The following EHBP1 variants were observed in gnomAD, a reference collection of about 807,000 sequenced individuals.
EHBP1 encodes EH domain binding protein 1, also known as EH domain-binding protein 1.
A neutral mutation model predicts 144.0 loss-of-function variants in EHBP1; 55 were observed. The observed-to-expected ratio is 0.38, with a 90% confidence interval of 0.31 to 0.48. EHBP1 has a LOEUF of 0.48. Among genes scored for constraint, EHBP1 ranks in the 20% least tolerant of loss-of-function variants. The pLI is 0.98. For synonymous variants in EHBP1, 469 were observed against 472.7 expected (o/e 0.99, Z 0.10); for missense variants, 1,200 against 1,364.2 (o/e 0.88, Z 1.90).
chr2:62,881,337 C>A (rs1182091223), intron 10 of EHBP1, among the ~76,000 whole-genome samples: 1 of 150,928 alleles, frequency 6.6e-6, no homozygotes, highest in Non-Finnish European at 1.5e-5. Context: ...ACACCAGTCC[C>A]CCATGACACA....
rs532575809 is a variant in EHBP1 at position 62,943,693 on chromosome 2, G to T, written c.1365-109G>T. 5 of 563,420 alleles carry T rather than the reference G, an allele frequency of 8.9e-6. No individual in the cohort carries two copies. In the East Asian group the frequency reaches 1.6e-4, roughly 18 times the overall value. The allele number at this position is 563,420 out of a possible 1,614,324, so 34.9% of individuals were successfully genotyped here. On this transcript the variant is annotated intron_variant, in intron 11 of 22. Transcript: ENST00000431489. ...TTGATTGAATTGCTGTGAAATTGCT[G>T]GTTACTCTTTAGTATTATTGAATGT...
At chr2:63,043,176 A>G (rs1574603600) in intron 21 of EHBP1, among the ~76,000 whole-genome samples, 2 of 152,196 alleles carry the variant, frequency 1.3e-5, no homozygotes, top group Admixed American at 6.5e-5. Context: ...TACCTGCTGA[A>G]TAAGACTGAT....
chr2:63,040,433 C>T (rs1574589276), intron 21 of EHBP1, among the ~76,000 whole-genome samples: 1 of 152,060 alleles, frequency 6.6e-6, no homozygotes, highest in Non-Finnish European at 1.5e-5. Context: ...AATTCAATTT[C>T]CTCAGCAGTC....
At chr2:62,810,798 G>T (rs1336858086) in intron 5 of EHBP1, among the ~76,000 whole-genome samples, 1 of 152,130 alleles carries the variant, frequency 6.6e-6, no homozygotes, top group Non-Finnish European at 1.5e-5. Context: ...TGCTAGTTTT[G>T]TTTCTTGTTT....
intron 10 of EHBP1, among the ~76,000 whole-genome samples, chr2:62,930,398 G>C (rs2055889600): frequency 6.6e-6 from 1 of 152,160 alleles, no homozygotes; most frequent in Non-Finnish European, 1.5e-5. Flanking sequence ...TAAATGGAAA[G>C]ATATCCCGTG....
chr2:62,922,823 A>G (rs917212987), intron 10 of EHBP1, among the ~76,000 whole-genome samples: 2 of 152,176 alleles, frequency 1.3e-5, no homozygotes, highest in African/African-American at 4.8e-5. Flanking sequence ...GATTTAATCA[A>G]CCTGGAGTCA....
intron 2 of EHBP1, among the ~76,000 whole-genome samples, chr2:62,738,449 T>C (rs1463401969): frequency 6.6e-6 from 1 of 152,186 alleles, no homozygotes; most frequent in Non-Finnish European, 1.5e-5. Context: ...ATCATTATTA[T>C]TCTTAAACTT....
intron 10 of EHBP1, among the ~76,000 whole-genome samples, chr2:62,896,228 T>C (rs946160529): frequency 2.6e-5 from 4 of 152,094 alleles, no homozygotes; most frequent in Admixed American, 2.6e-4. Flanking sequence ...CCAGGCAACA[T>C]GTGTGAAGTC....
chr2:62,681,468 G>T (rs1337087331), intron 1 of EHBP1, among the ~76,000 whole-genome samples: 1 of 149,996 alleles, frequency 6.7e-6, no homozygotes, highest in East Asian at 1.9e-4. Context: ...ACTAAGCAGT[G>T]GTCTAAGTTA....
chr2:63,020,270 G>A (rs2060672744), intron 19 of EHBP1, among the ~76,000 whole-genome samples: 1 of 145,590 alleles, frequency 6.9e-6, no homozygotes, highest in Non-Finnish European at 1.5e-5. Flanking sequence ...GTTGCAGTGA[G>A]CCGAAATCAT....
At chr2:62,841,695 T>A (rs577581723) in intron 7 of EHBP1, among the ~76,000 whole-genome samples, 2 of 152,346 alleles carry the variant, frequency 1.3e-5, no homozygotes, top group South Asian at 4.1e-4. Context: ...AATAATTTTT[T>A]AAATGTGATA....
intron 4 of EHBP1, among the ~76,000 whole-genome samples, chr2:62,765,581 T>C (rs572739812): frequency 1.1e-4 from 16 of 152,246 alleles, no homozygotes; most frequent in Admixed American, 2.0e-4. Context: ...TAGTTGTGCA[T>C]TGTGGGAAGC....
chr2:62,989,518 C>T (rs1422317837), intron 15 of EHBP1, among the ~76,000 whole-genome samples: 1 of 152,066 alleles, frequency 6.6e-6, no homozygotes, highest in Non-Finnish European at 1.5e-5. Flanking sequence ...TAATTTTAAT[C>T]CTAACAGGCT....
At chr2:62,907,676 T>G (rs945536554) in intron 10 of EHBP1, among the ~76,000 whole-genome samples, 1 of 152,206 alleles carries the variant, frequency 6.6e-6, no homozygotes, top group Non-Finnish European at 1.5e-5. Context: ...TTCCAAAAAC[T>G]ATCTCCTAGT....
chr2:62,844,862 A>G (rs1190370927), intron 7 of EHBP1, among the ~76,000 whole-genome samples: 2 of 152,160 alleles, frequency 1.3e-5, no homozygotes, highest in African/African-American at 4.8e-5. Context: ...CATTCGCATG[A>G]CCTACATAGG....
chr2:62,792,222 G>T lies in EHBP1; in HGVS notation c.312+20830G>T, dbSNP rs1271707512. On this transcript the variant is annotated intron_variant, in intron 5 of 22. Transcript: ENST00000431489. Reference sequence around the variant, plus strand: ...TGTCTAAGCCAATTTAAATAGTAGGGAATGTATTTCCAGTTATGTGAGCTA... The same window carrying T: ...TGTCTAAGCCAATTTAAATAGTAGGTAATGTATTTCCAGTTATGTGAGCTA... Among the ~76,000 whole-genome samples, 8 of 152,146 alleles carry T rather than the reference G, an allele frequency of 5.3e-5. No individual in the cohort carries two copies. The South Asian group carries it at 8.3e-4, about 16-fold the overall frequency.
chr2:62,861,585 A>G (rs894693266), intron 8 of EHBP1, among the ~76,000 whole-genome samples: 7 of 151,890 alleles, frequency 4.6e-5, no homozygotes, highest in Non-Finnish European at 7.4e-5. Flanking sequence ...TCTACTTAAC[A>G]TACAAAAGTT....
chr2:62,873,034 A>G (rs1033895993), intron 9 of EHBP1, among the ~76,000 whole-genome samples: 4 of 152,158 alleles, frequency 2.6e-5, no homozygotes, highest in African/African-American at 9.7e-5. Context: ...GGAGATATTA[A>G]TTTTCTTAGT....
In EHBP1 at chr2:62,831,014, T is replaced by C; in HGVS notation, c.495-5T>C. ...AATGTGTTATATTTTGAATCATTGA[T>C]GTAGAGATGAAGACATGCAAAGTTT... On this transcript the variant is annotated splice_region_variant and splice_polypyrimidine_tract_variant and intron_variant, in intron 6 of 22. Transcript: ENST00000431489. 1 of 1,611,302 alleles carries C rather than the reference T, an allele frequency of 6.2e-7. No individual in the cohort carries two copies. The highest frequency in any genetic ancestry group is 8.5e-7 in the Non-Finnish European group (1 of 1,179,174).
Sources: gnomAD v4.1 joint callset for allele counts (sites outside exome capture counted in the v4.1 genomes callset) on GRCh38, gnomAD v4.1.1 for gene constraint, MANE v1.5 for transcripts, NCBI Gene and HGNC (gene_info 2026-07-23, HGNC 2026-07-21) for gene names.